The following PPP2R5E variants were observed in gnomAD, a reference collection of about 807,000 sequenced individuals.
PPP2R5E encodes serine/threonine-protein phosphatase 2A 56 kDa regulatory subunit epsilon isoform.
PPP2R5E carries 4 observed loss-of-function variants against 65.3 expected under a neutral mutation model. That is an observed-to-expected ratio of 0.06 (90% CI 0.03 to 0.14). The LOEUF (loss-of-function observed/expected upper bound fraction) is 0.14. Ranked by LOEUF, PPP2R5E falls within the 10% of genes least tolerant of loss-of-function variation. The probability of loss-of-function intolerance (pLI) is 1.00; values close to 1 mark genes in which losing one functional copy is unlikely to be tolerated. For synonymous variants in PPP2R5E, 183 were observed against 187.4 expected (o/e 0.98, Z 0.19); for missense variants, 274 against 556.1 (o/e 0.49, Z 5.10).
At chr14:63,399,993 G>A (rs1465070145) in intron 5 of PPP2R5E, among the ~76,000 whole-genome samples, 6 of 151,266 alleles carry the variant, frequency 4.0e-5, no homozygotes, top group African/African-American at 1.5e-4. Flanking sequence ...AAGAGTTATG[G>A]ACCAAAAAAA....
In PPP2R5E at chr14:63,429,849, A is replaced by AT. The variant is rs559754167; in HGVS notation, c.355-7756dup. On this transcript the variant is annotated intron_variant, in intron 3 of 13. Coordinates refer to ENST00000337537, the MANE Select transcript of PPP2R5E (RefSeq NM_006246.5). ...AGGTACCCGCCACCACGTCCAGCTA[A>AT]TTTTTTGTATTTTTAGTAGAGATGG... Among the ~76,000 whole-genome samples the AT allele has an allele frequency of 2.8e-3, 432 of 152,044 alleles. 1 individual carries two copies. Among genetic ancestry groups the AT allele is most frequent in the African/African-American group, 1.0e-2 (414 of 41,460 alleles).
intron 5 of PPP2R5E, among the ~76,000 whole-genome samples, chr14:63,408,073 C>T (rs563572265): frequency 6.6e-6 from 1 of 152,286 alleles, no homozygotes; most frequent in East Asian, 1.9e-4. Context: ...AAAAATTATA[C>T]TGTTCTATAA....
intron 2 of PPP2R5E, among the ~76,000 whole-genome samples, chr14:63,475,078 C>T (rs932002704): frequency 6.6e-5 from 10 of 152,202 alleles, no homozygotes; most frequent in African/African-American, 1.4e-4. Context: ...TTCAGTGAAG[C>T]GATGATCAAG....
chr14:63,409,215 A>G (rs1886257706), intron 5 of PPP2R5E, among the ~76,000 whole-genome samples: 1 of 152,164 alleles, frequency 6.6e-6, no homozygotes, highest in South Asian at 2.1e-4. Context: ...CCTGGGTGAC[A>G]GAGCAAGACT....
At chr14:63,488,606 T>A (rs573831764) in intron 2 of PPP2R5E, among the ~76,000 whole-genome samples, 1 of 151,800 alleles carries the variant, frequency 6.6e-6, no homozygotes, top group Non-Finnish European at 1.5e-5. Context: ...CCCAGCACTT[T>A]GGGAGGCTGA....
intron 2 of PPP2R5E, among the ~76,000 whole-genome samples, chr14:63,487,127 C>A (rs1026458631): frequency 6.6e-6 from 1 of 152,192 alleles, no homozygotes; most frequent in Non-Finnish European, 1.5e-5. Flanking sequence ...GGCCCTCTAA[C>A]AAGAATATTT....
intron 2 of PPP2R5E, among the ~76,000 whole-genome samples, chr14:63,495,908 C>T (rs1264170938): frequency 6.6e-6 from 1 of 151,932 alleles, no homozygotes. Context: ...CCGAGCTGGT[C>T]CCAACTCCTG....
At chr14:63,501,327 C>T (rs1447353667) in intron 2 of PPP2R5E, among the ~76,000 whole-genome samples, 2 of 151,632 alleles carry the variant, frequency 1.3e-5, no homozygotes, top group East Asian at 3.9e-4. Context: ...ATGGCGTGAA[C>T]CCGGGAGGCG....
At chr14:63,388,539 G>A (rs1270807002) in intron 11 of PPP2R5E, among the ~76,000 whole-genome samples, 2 of 152,174 alleles carry the variant, frequency 1.3e-5, no homozygotes, top group African/African-American at 4.8e-5. Context: ...CCAGATGTGT[G>A]AGCACTAAAG....
chr14:63,495,190 G>C (rs1253723428), intron 2 of PPP2R5E, among the ~76,000 whole-genome samples: 1 of 145,470 alleles, frequency 6.9e-6, no homozygotes, highest in Non-Finnish European at 1.5e-5. Context: ...GTGACAGAGT[G>C]AGACTCTGTC....
At chr14:63,404,017 C>G (rs1444159633) in intron 5 of PPP2R5E, among the ~76,000 whole-genome samples, 2 of 152,054 alleles carry the variant, frequency 1.3e-5, no homozygotes. Context: ...TATAAGCATG[C>G]TGTTTAGAAA....
chr14:63,382,403 CT>C (rs576740305), intron 12 of PPP2R5E, among the ~76,000 whole-genome samples: 392 of 138,386 alleles, frequency 2.8e-3, no homozygotes, highest in Non-Finnish European at 3.1e-3. Flanking sequence ...CTTCTAATTT[CT>C]TTTTTTTTTT....
chr14:63,489,399 G>T (rs1891175849), intron 2 of PPP2R5E, among the ~76,000 whole-genome samples: 1 of 141,324 alleles, frequency 7.1e-6, no homozygotes, highest in Non-Finnish European at 1.5e-5. Context: ...AATTTTTGTT[G>T]TTGTTGTTGT....
At chr14:63,479,254 T>C (rs1165767284) in intron 2 of PPP2R5E, 1 of 152,180 alleles carries the variant, frequency 6.6e-6, no homozygotes, top group Non-Finnish European at 1.5e-5. Context: ...TTAACTTCTA[T>C]ATAAAGTCAA....
In PPP2R5E at chr14:63,371,474, T is replaced by G. The variant is rs2139710213; in HGVS notation, c.*4535A>C. ...TGGGGAGCACCTTCATTTTTGTTTCTGTTACCACTTTGAAGAAAGCAAATC... is the reference window on the plus strand; with the variant it reads ...TGGGGAGCACCTTCATTTTTGTTTCGGTTACCACTTTGAAGAAAGCAAATC... On this transcript the variant is annotated 3_prime_UTR_variant, in exon 14 of 14. Coordinates refer to ENST00000337537, the MANE Select transcript of PPP2R5E (RefSeq NM_006246.5). 6.6e-6 allele frequency: 1 copy of G among 152,348 alleles called. No homozygotes were observed. The highest frequency in any genetic ancestry group is 2.1e-4 in the South Asian group (1 of 4,830). 9.4% of individuals were successfully genotyped at this position (152,348 alleles called of 1,614,324 possible). A position where few individuals can be genotyped will look rare whatever the true frequency, so the allele number is the denominator to read the frequency against.
At chr14:63,427,700 GC>G (rs1765907021) in intron 3 of PPP2R5E, among the ~76,000 whole-genome samples, 3 of 152,144 alleles carry the variant, frequency 2.0e-5, no homozygotes, top group Non-Finnish European at 4.4e-5. Flanking sequence ...ACAAAGCAAG[GC>G]TGAAGGGATG....
In PPP2R5E at chr14:63,376,128, C is replaced by T; in HGVS notation, c.1305-20G>A. The T allele has an allele frequency of 1.3e-6, 2 of 1,490,604 alleles. No individual in the cohort carries two copies. Among genetic ancestry groups the T allele is most frequent in the Non-Finnish European group, 1.9e-6 (2 of 1,069,428 alleles). 92.3% of individuals were successfully genotyped at this position (1,490,604 alleles called of 1,614,324 possible). A position where few individuals can be genotyped will look rare whatever the true frequency, so the allele number is the denominator to read the frequency against. On this transcript the variant is annotated intron_variant, in intron 13 of 13. Transcript: ENST00000337537. ...TTCTCACTGAGGAAGAAACAGAATA[C>T]AATGTAAACAGCTGAGGTTTAATGA...
At position 63,517,898 on chromosome 14, in the gene PPP2R5E, A is replaced by G. The variant is rs540385669; in HGVS notation, c.157+21631T>C. On this transcript the variant is annotated intron_variant, in intron 2 of 13. Transcript: ENST00000337537. Reference sequence around the variant, plus strand: ...TGGTACTGACAATAATTCTAGATCTAATCTTCTAAACTTTTATTCTCTTAA... The same window carrying G: ...TGGTACTGACAATAATTCTAGATCTGATCTTCTAAACTTTTATTCTCTTAA... Among the ~76,000 whole-genome samples the G allele has an allele frequency of 2.7e-3, 409 of 152,266 alleles. 2 individuals carry two copies. The highest frequency in any genetic ancestry group is 4.4e-3 in the Non-Finnish European group (298 of 68,010).
chr14:63,516,426 TAAGTAA>T (rs1892674633), intron 2 of PPP2R5E, among the ~76,000 whole-genome samples: 1 of 152,214 alleles, frequency 6.6e-6, no homozygotes, highest in South Asian at 2.1e-4. Flanking sequence ...AAAATAGCTT[TAAGTAA>T]AAGTTCACAG....
Sources: gnomAD v4.1 joint callset for allele counts (sites outside exome capture counted in the v4.1 genomes callset) on GRCh38, gnomAD v4.1.1 for gene constraint, MANE v1.5 for transcripts, NCBI Gene and HGNC (gene_info 2026-07-23, HGNC 2026-07-21) for gene names.